Variants in ADGRB3 observed in about 807,000 individuals in gnomAD.
ADGRB3 encodes the protein brain-specific angiogenesis inhibitor 3.
Under a neutral mutation model 193.4 loss-of-function variants are expected in ADGRB3, and 37 were observed. That is an observed-to-expected ratio of 0.19 (90% CI 0.15 to 0.25). The LOEUF is 0.25. Ranked by LOEUF, ADGRB3 falls within the 10% of genes least tolerant of loss-of-function variation. The probability of loss-of-function intolerance (pLI) is 1.00; values close to 1 mark genes in which losing one functional copy is unlikely to be tolerated. For synonymous variants in ADGRB3, 690 were observed against 644.2 expected (o/e 1.07, Z -1.08); for missense variants, 1,637 against 1,852.9 (o/e 0.88, Z 2.14).
chr6:69,055,212 A>G (rs1396054364), intron 15 of ADGRB3, among the ~76,000 whole-genome samples: 5 of 152,236 alleles, frequency 3.3e-5, no homozygotes, highest in African/African-American at 1.2e-4. Flanking sequence ...AATGTTAACT[A>G]TATGCACTTG....
At chr6:68,996,136 T>A (rs1167023709) in intron 11 of ADGRB3, among the ~76,000 whole-genome samples, 1 of 152,156 alleles carries the variant, frequency 6.6e-6, no homozygotes. Context: ...TTTCTCCACT[T>A]TTTAAAAATA....
At chr6:69,175,371 C>T (rs1489106092) in intron 17 of ADGRB3, among the ~76,000 whole-genome samples, 1 of 152,180 alleles carries the variant, frequency 6.6e-6, no homozygotes, top group Non-Finnish European at 1.5e-5. Flanking sequence ...AACCAGCCAT[C>T]CCAGCACTAT....
intron 3 of ADGRB3, among the ~76,000 whole-genome samples, chr6:68,834,618 T>A (rs1768012327): frequency 6.6e-6 from 1 of 152,168 alleles, no homozygotes; most frequent in African/African-American, 2.4e-5. Flanking sequence ...CAAGTTTAAA[T>A]TCTTTAGGAG....
chr6:69,300,057 G>T (rs546959501), intron 20 of ADGRB3, among the ~76,000 whole-genome samples: 1 of 151,910 alleles, frequency 6.6e-6, no homozygotes, highest in African/African-American at 2.4e-5. Context: ...GATGACTATA[G>T]ATGCAAAAGT....
intron 17 of ADGRB3, among the ~76,000 whole-genome samples, chr6:69,181,429 T>A (rs983020805): frequency 6.6e-6 from 1 of 152,166 alleles, no homozygotes; most frequent in African/African-American, 2.4e-5. Flanking sequence ...TGTTTAAATT[T>A]CATTTTTAAA....
chr6:69,002,132 T>G (rs888225559), intron 11 of ADGRB3, among the ~76,000 whole-genome samples: 1 of 152,176 alleles, frequency 6.6e-6, no homozygotes, highest in East Asian at 1.9e-4. Context: ...AAGTTCAGAC[T>G]ATATTCTAAA....
intron 3 of ADGRB3, among the ~76,000 whole-genome samples, chr6:68,768,438 G>T (rs1017887314): frequency 3.3e-5 from 5 of 152,092 alleles, no homozygotes; most frequent in African/African-American, 9.7e-5. Flanking sequence ...AAACAATGGG[G>T]GAAAGGAATC....
intron 16 of ADGRB3, among the ~76,000 whole-genome samples, chr6:69,065,137 A>T (rs1771862428): frequency 6.6e-6 from 1 of 152,158 alleles, no homozygotes; most frequent in Admixed American, 6.6e-5. Context: ...GAGTAAGTGA[A>T]TTGACCAGGT....
intron 17 of ADGRB3, among the ~76,000 whole-genome samples, chr6:69,109,159 T>C (rs572954517): frequency 6.7e-6 from 1 of 149,706 alleles, no homozygotes; most frequent in African/African-American, 2.4e-5. Flanking sequence ...GTTATTTCTC[T>C]TAGTATAAGC....
At chr6:68,953,564 A>G (rs1767989001) in intron 6 of ADGRB3, among the ~76,000 whole-genome samples, 1 of 152,222 alleles carries the variant, frequency 6.6e-6, no homozygotes, top group Non-Finnish European at 1.5e-5. Context: ...GAGGGGAAAT[A>G]GATAATTTAT....
At chr6:68,961,913 G>T (rs1209135469) in intron 8 of ADGRB3, among the ~76,000 whole-genome samples, 2 of 151,990 alleles carry the variant, frequency 1.3e-5, no homozygotes, top group African/African-American at 4.8e-5. Flanking sequence ...TCTGCTTTCA[G>T]ATATTATCTG....
intron 8 of ADGRB3, among the ~76,000 whole-genome samples, chr6:68,973,967 A>G (rs1022417674): frequency 1.3e-4 from 20 of 152,334 alleles, no homozygotes; most frequent in African/African-American, 4.8e-4. Context: ...TCAATAATTA[A>G]ATTGAAATTT....
intron 7 of ADGRB3, 102 bp downstream of exon 7, chr6:68,956,290 AT>A (rs1768068296): frequency 2.9e-6 from 3 of 1,043,898 alleles, no homozygotes; most frequent in Non-Finnish European, 3.9e-6. Flanking sequence ...GAAGATAATC[AT>A]TATATATATA....
chr6:69,055,856 G>T (rs1771531805), intron 15 of ADGRB3, among the ~76,000 whole-genome samples: 2 of 151,698 alleles, frequency 1.3e-5, no homozygotes, highest in African/African-American at 4.8e-5. Flanking sequence ...TGTGCACACA[G>T]TCTCGCTCTG....
intron 3 of ADGRB3, among the ~76,000 whole-genome samples, chr6:68,683,973 C>G (rs1185624615): frequency 6.6e-6 from 1 of 152,012 alleles, no homozygotes. Flanking sequence ...ATCTGCTTCT[C>G]AGCTCCTCAT....
At chr6:69,160,825 A>G (rs1367078037) in intron 17 of ADGRB3, among the ~76,000 whole-genome samples, 4 of 152,156 alleles carry the variant, frequency 2.6e-5, no homozygotes, top group Non-Finnish European at 4.4e-5. Context: ...ATAGTTTTAT[A>G]TAGGCAATTA....
chr6:68,665,882 T>A lies in ADGRB3; in HGVS notation c.757+26450T>A, dbSNP rs1768789169. 2.0e-5 allele frequency among the ~76,000 whole-genome samples: 3 copies of A among 151,958 alleles called. No homozygotes were observed. In the South Asian group the frequency reaches 6.2e-4, roughly 31 times the overall value. Reference sequence around the variant, plus strand: ...AATATAAATGTATATCACATAAACATCCTATATTAGTGTCTAAATTTTGTA... The same window carrying A: ...AATATAAATGTATATCACATAAACAACCTATATTAGTGTCTAAATTTTGTA... On this transcript the variant is annotated intron_variant, in intron 3 of 31. Coordinates refer to ENST00000370598, the MANE Select transcript of ADGRB3 (RefSeq NM_001704.3).
chr6:68,748,791 A>G (rs895632191), intron 3 of ADGRB3, among the ~76,000 whole-genome samples: 6 of 152,220 alleles, frequency 3.9e-5, no homozygotes, highest in Admixed American at 1.3e-4. Context: ...ATGCCCTAGC[A>G]GAGGTTCTCC....
At chr6:69,349,432 T>C (rs970862546) in intron 26 of ADGRB3, among the ~76,000 whole-genome samples, 1 of 152,230 alleles carries the variant, frequency 6.6e-6, no homozygotes, top group Non-Finnish European at 1.5e-5. Flanking sequence ...ATCTTTTTCT[T>C]TCATTGTATA....
Sources: gnomAD v4.1 joint callset for allele counts (sites outside exome capture counted in the v4.1 genomes callset) on GRCh38, gnomAD v4.1.1 for gene constraint, MANE v1.5 for transcripts, NCBI Gene and HGNC (gene_info 2026-07-23, HGNC 2026-07-21) for gene names.